MCPH1: variants seen among roughly 807,000 people sequenced by gnomAD.
The protein encoded by MCPH1 is microcephalin.
MCPH1 carries 104 observed loss-of-function variants against 84.5 expected under a neutral mutation model. The observed-to-expected ratio is 1.23, with a 90% confidence interval of 1.05 to 1.45. The LOEUF is 1.45. MCPH1 is among the 40% of genes most tolerant of loss of function. MCPH1 has a pLI of 0.00. For synonymous variants in MCPH1, 514 were observed against 366.8 expected, an observed-to-expected ratio of 1.40 and a Z score of -4.58; for missense variants, 1,498 against 1,005.7, an observed-to-expected ratio of 1.49 and a Z score of -6.62.
intron 12 of MCPH1, among the ~76,000 whole-genome samples, chr8:6,606,423 C>T (rs984961890): frequency 6.6e-6 from 1 of 152,178 alleles, no homozygotes; most frequent in African/African-American, 2.4e-5. Flanking sequence ...TGAGTAAAGG[C>T]TTCATTTAAA....
intron 11 of MCPH1, among the ~76,000 whole-genome samples, chr8:6,488,077 T>G (rs1211922411): frequency 1.3e-5 from 2 of 152,188 alleles, no homozygotes; most frequent in Non-Finnish European, 2.9e-5. Context: ...ACCCACAGAG[T>G]TTGTCTGCTT....
chr8:6,512,511 G>C (rs566853535), intron 12 of MCPH1, among the ~76,000 whole-genome samples: 1 of 152,302 alleles, frequency 6.6e-6, no homozygotes, highest in Non-Finnish European at 1.5e-5. Context: ...TGTGCTCCAT[G>C]ATCACGAGGC....
chr8:6,518,360 T>C (rs1467244237), intron 12 of MCPH1, among the ~76,000 whole-genome samples: 1 of 152,244 alleles, frequency 6.6e-6, no homozygotes, highest in East Asian at 1.9e-4. Context: ...AGTCTGTTCG[T>C]TGCCTTTTCA....
At chr8:6,620,725 T>C (rs942411884) in intron 12 of MCPH1, among the ~76,000 whole-genome samples, 3 of 152,186 alleles carry the variant, frequency 2.0e-5, no homozygotes, top group African/African-American at 7.2e-5. Context: ...AACCCGTAGT[T>C]AGGAAAATGC....
At chr8:6,550,655 G>T (rs191233744) in intron 12 of MCPH1, among the ~76,000 whole-genome samples, 4 of 152,290 alleles carry the variant, frequency 2.6e-5, no homozygotes, top group Non-Finnish European at 4.4e-5. Context: ...CACACGAGGG[G>T]GTGTGGATTT....
intron 12 of MCPH1, among the ~76,000 whole-genome samples, chr8:6,584,375 C>A (rs551171735): frequency 8.5e-5 from 13 of 152,254 alleles, no homozygotes; most frequent in Admixed American, 7.8e-4. Flanking sequence ...ACAGTAGTCG[C>A]CCCCAAAACA....
chr8:6,482,633 T>C (rs754520756), intron 11 of MCPH1, among the ~76,000 whole-genome samples: 14 of 152,206 alleles, frequency 9.2e-5, no homozygotes, highest in Non-Finnish European at 1.6e-4. Context: ...TCCATAGAGG[T>C]CAGACGTGAG....
At chr8:6,528,161 T>C (rs896637593) in intron 12 of MCPH1, among the ~76,000 whole-genome samples, 6 of 152,202 alleles carry the variant, frequency 3.9e-5, no homozygotes, top group African/African-American at 1.4e-4. Context: ...CCTCCCATAG[T>C]GCTGGGATTT....
rs142511535 is a variant in MCPH1, at chr8:6,480,703, C to G, written c.1974-11C>G. ...TCATTCATTTTGTTAATTTTTCCCC[C>G]GATTTGACAGAAAGCAGAATGTCGT... On this transcript the variant is annotated splice_polypyrimidine_tract_variant and intron_variant, in intron 10 of 13. Coordinates refer to ENST00000344683, the MANE Select transcript of MCPH1 (RefSeq NM_024596.5). 8 of 1,613,908 alleles carry G rather than the reference C, an allele frequency of 5.0e-6. No individual in the cohort carries two copies. The Admixed American group carries it at 5.0e-5, about 10-fold the overall frequency.
In MCPH1 at chr8:6,625,276, G is replaced by A. The variant is rs909227647; in HGVS notation, c.2452+3585G>A. 3 of 985,276 alleles carry A rather than the reference G, an allele frequency of 3.0e-6. No individual in the cohort carries two copies. In the African/African-American group the frequency reaches 5.2e-5, roughly 17 times the overall value. 61.0% of individuals were successfully genotyped at this position (985,276 alleles called of 1,614,324 possible). Reference sequence around the variant, plus strand: ...CATGCTGGTTAAAGGAGGAAACACAGAGAGCGCAAATGCCCTGTGGCAGGC... The same window carrying A: ...CATGCTGGTTAAAGGAGGAAACACAAAGAGCGCAAATGCCCTGTGGCAGGC... On this transcript the variant is annotated intron_variant, in intron 13 of 13. Transcript: ENST00000344683.
At chr8:6,503,571 G>C (rs1471760455) in intron 12 of MCPH1, among the ~76,000 whole-genome samples, 1 of 152,178 alleles carries the variant, frequency 6.6e-6, no homozygotes, top group Admixed American at 6.5e-5. Context: ...ACTTACAGCA[G>C]GAGTAAGCAA....
At chr8:6,560,168 T>C (rs1299545125) in intron 12 of MCPH1, among the ~76,000 whole-genome samples, 2 of 152,232 alleles carry the variant, frequency 1.3e-5, no homozygotes, top group South Asian at 4.1e-4. Context: ...TGGGTTGTTT[T>C]TGAATCTTTC....
rs370898328 is a variant in MCPH1 at position 6,508,916 on chromosome 8, A to G, written c.2214+8987A>G. 6 of 1,613,986 alleles carry G rather than the reference A, an allele frequency of 3.7e-6. No homozygotes were observed. The African/African-American group carries it at 6.7e-5, about 18-fold the overall frequency. On this transcript the variant is annotated intron_variant, in intron 12 of 13. Transcript: ENST00000344683. ...TCCTTGCCAATACAAATAGGAAGAC[A>G]GAAAGTCATCCCTACCTCCTGTTAG...
At chr8:6,593,428 C>G (rs1443703182) in intron 12 of MCPH1, among the ~76,000 whole-genome samples, 2 of 152,014 alleles carry the variant, frequency 1.3e-5, no homozygotes, top group Non-Finnish European at 2.9e-5. Context: ...GATCTTGGCT[C>G]CCTGCAACCT....
chr8:6,460,895 G>A (rs981643753), intron 9 of MCPH1, among the ~76,000 whole-genome samples: 2 of 152,094 alleles, frequency 1.3e-5, no homozygotes, highest in Non-Finnish European at 2.9e-5. Context: ...TTTGCATCTT[G>A]TCCAGCTTTT....
intron 9 of MCPH1, among the ~76,000 whole-genome samples, chr8:6,476,346 T>A (rs1563260976): frequency 1.3e-5 from 2 of 151,186 alleles, no homozygotes; most frequent in Admixed American, 6.6e-5. Flanking sequence ...TGAGAATTGC[T>A]TGAACCCGGG....
chr8:6,411,856 A>AC (rs1213663501), intron 2 of MCPH1, among the ~76,000 whole-genome samples: 1 of 152,048 alleles, frequency 6.6e-6, no homozygotes, highest in Admixed American at 6.6e-5. Context: ...TTAGAACTTA[A>AC]CCCCCGTGGA....
chr8:6,619,591 T>G (rs925495884), intron 12 of MCPH1, among the ~76,000 whole-genome samples: 4 of 148,436 alleles, frequency 2.7e-5, no homozygotes, highest in Non-Finnish European at 4.5e-5. Context: ...GCGCCCAGCC[T>G]TTTTTTTCTT....
intron 11 of MCPH1, among the ~76,000 whole-genome samples, chr8:6,486,832 T>G (rs542159332): frequency 2.0e-5 from 3 of 152,336 alleles, no homozygotes; most frequent in African/African-American, 7.2e-5. Context: ...AGACTCACAT[T>G]GTTTTGTTAT....
Sources: gnomAD v4.1 joint callset for allele counts (sites outside exome capture counted in the v4.1 genomes callset) on GRCh38, gnomAD v4.1.1 for gene constraint, MANE v1.5 for transcripts, NCBI Gene and HGNC (gene_info 2026-07-23, HGNC 2026-07-21) for gene names.